Variants in SPMAP2 observed in about 807,000 individuals in gnomAD.
SPMAP2 encodes the protein Theg homolog.
chr19:373,652 GT>G, the SPMAP2 span: 1 of 921,762 alleles, frequency 1.1e-6, no homozygotes, highest in Non-Finnish European at 1.7e-6. Context: ...GGGAGAGGGG[GT>G]AGGCCAGAGA....
At chr19:373,834 G>T in the SPMAP2 span, 1 of 1,108,614 alleles carries the variant, frequency 9.0e-7, no homozygotes, top group Non-Finnish European at 1.3e-6. Context: ...AGCCCTCCCT[G>T]ATCCTCCTCC....
At chr19:372,940 C>G in the SPMAP2 span, among the ~76,000 whole-genome samples, 1 of 152,168 alleles carries the variant, frequency 6.6e-6, no homozygotes, top group African/African-American at 2.4e-5. Flanking sequence ...ATGGGAGTGG[C>G]AGGGCTGGAA....
chr19:363,063 G>A, the SPMAP2 span, among the ~76,000 whole-genome samples: 3 of 152,210 alleles, frequency 2.0e-5, no homozygotes, highest in Non-Finnish European at 4.4e-5. Flanking sequence ...GACGGGAATG[G>A]GGAGTGACAG....
At chr19:362,008 A>T in the SPMAP2 span, 1 of 430,362 alleles carries the variant, frequency 2.3e-6, no homozygotes, top group Non-Finnish European at 4.1e-6. Context: ...GGCGCTCGAG[A>T]TGGTCAATGA....
At chr19:370,508 A>ATT in the SPMAP2 span, among the ~76,000 whole-genome samples, 1,418 of 141,394 alleles carry the variant, frequency 0.01, 36 homozygotes, top group East Asian at 0.045. Flanking sequence ...CCCCCGGCTA[A>ATT]TTTTTTTTTT....
the SPMAP2 span, chr19:375,738 A>G: frequency 1.2e-6 from 2 of 1,609,520 alleles, no homozygotes; most frequent in Non-Finnish European, 1.7e-6. Context: ...TTTGGGATCC[A>G]GGGTCTCCGG....
the SPMAP2 span, among the ~76,000 whole-genome samples, chr19:365,069 C>A: frequency 5.3e-5 from 8 of 152,244 alleles, no homozygotes; most frequent in African/African-American, 1.9e-4. Flanking sequence ...CAGAACCCCA[C>A]GTGGCACGTG....
chr19:368,472 G>GGGGA, the SPMAP2 span, among the ~76,000 whole-genome samples: 15 of 152,192 alleles, frequency 9.9e-5, no homozygotes, highest in East Asian at 2.1e-3. This position sits in a 1 kb window ranked among gnomAD's most constrained non-coding sequence, Gnocchi z 4.1. Context: ...TGATGCCTCT[G>GGGGA]GGGAGGGAGG....
the SPMAP2 span, chr19:374,523 C>A: frequency 1.4e-6 from 2 of 1,473,878 alleles, no homozygotes; most frequent in East Asian, 2.4e-5. Context: ...TTTGTCTGCA[C>A]TCACCCTGCC....
the SPMAP2 span, chr19:362,315 G>C: frequency 1.2e-6 from 2 of 1,610,178 alleles, no homozygotes; most frequent in Admixed American, 3.4e-5. Context: ...GCGCACTTTG[G>C]GCTTGGCCAG....
chr19:373,484 G>C, the SPMAP2 span: 1 of 1,613,416 alleles, frequency 6.2e-7, no homozygotes, highest in Non-Finnish European at 8.5e-7. Flanking sequence ...CACTGTGATG[G>C]TGAGGGTGGT....
the SPMAP2 span, chr19:374,104 A>G: frequency 3.4e-6 from 5 of 1,489,216 alleles, no homozygotes; most frequent in East Asian, 9.5e-5. Context: ...CACCGCCCAG[A>G]GGGCCACCGT....
the SPMAP2 span, among the ~76,000 whole-genome samples, chr19:366,275 T>C: frequency 6.6e-6 from 1 of 152,132 alleles, no homozygotes; most frequent in Admixed American, 6.6e-5. Flanking sequence ...ATTTGAAACA[T>C]GGATGGATGT....
At chr19:367,143 T>G in the SPMAP2 span, 287 of 1,612,596 alleles carry the variant, frequency 1.8e-4, no homozygotes, top group Non-Finnish European at 2.4e-4. Flanking sequence ...TCCAAGAGGG[T>G]GGCTGGGGCC....
chr19:375,882 C>T, the SPMAP2 span: 923 of 1,562,874 alleles, frequency 5.9e-4, 3 homozygotes, highest in South Asian at 1.1e-3. Context: ...CTGGAGGCCA[C>T]GGGGGTCGCC....
chr19:375,613 G>A, the SPMAP2 span: 2 of 1,488,846 alleles, frequency 1.3e-6, no homozygotes, highest in South Asian at 1.4e-5. Flanking sequence ...ACTGCCAGGG[G>A]CTGAGCCCTA....
At chr19:363,613 A>G in the SPMAP2 span, among the ~76,000 whole-genome samples, 1 of 151,768 alleles carries the variant, frequency 6.6e-6, no homozygotes, top group Non-Finnish European at 1.5e-5. Flanking sequence ...GACTCGCTGT[A>G]ACCTCCGCTC....
At chr19:361,982 C>G in the SPMAP2 span, 7 of 402,904 alleles carry the variant, frequency 1.7e-5, no homozygotes, top group South Asian at 8.4e-5. Flanking sequence ...TAAGTCTGGA[C>G]TGAAGAGATT....
At chr19:368,106 T>C in the SPMAP2 span, among the ~76,000 whole-genome samples, 4 of 152,036 alleles carry the variant, frequency 2.6e-5, no homozygotes, top group South Asian at 2.1e-4. This position sits in a 1 kb window ranked among gnomAD's most constrained non-coding sequence, Gnocchi z 4.1. Flanking sequence ...TGGCAGCCCT[T>C]TGGGGGGTCG....
Sources: gnomAD v4.1 joint callset for allele counts (sites outside exome capture counted in the v4.1 genomes callset) on GRCh38, gnomAD v4.1.1 for gene constraint, Gnocchi (gnomAD v3.1) non-coding constraint, MANE v1.5 for transcripts, NCBI Gene and HGNC (gene_info 2026-07-23, HGNC 2026-07-21) for gene names.